CCNL2: variants seen among roughly 807,000 people sequenced by gnomAD.
CCNL2 encodes cyclin L2, also known as cyclin-L2.
In CCNL2, 28 loss-of-function variants were observed where a neutral mutation model predicts 59.1. That is an observed-to-expected ratio of 0.47 (90% CI 0.35 to 0.65). The LOEUF (loss-of-function observed/expected upper bound fraction) is 0.65. Ranked by LOEUF, CCNL2 falls within the 30% of genes least tolerant of loss-of-function variation. The pLI, the probability that CCNL2 is intolerant of heterozygous loss-of-function variation, is 0.00. For missense variants in CCNL2, 714 were observed against 717.4 expected, an observed-to-expected ratio of 1.00 and a Z score of 0.05; for synonymous variants, 342 against 288.6, an observed-to-expected ratio of 1.19 and a Z score of -1.88.
intron 5 of CCNL2, chr1:1,391,176 T>A: frequency 8.7e-7 from 1 of 1,153,498 alleles, no homozygotes; most frequent in Non-Finnish European, 1.1e-6. Context: ...CCCTCAACCT[T>A]GGCCTGCTCT....
Position 1,396,811 on chromosome 1 carries a change from C to T in CCNL2, c.474-1297G>A, listed in dbSNP as rs796195674. 8.6e-5 allele frequency among the ~76,000 whole-genome samples: 13 copies of T among 150,808 alleles called. No homozygotes were observed. The South Asian group carries it at 1.3e-3, about 15-fold the overall frequency. ...TCGCCCAGGCTGGAGTGCAGTGGCC[C>T]GATCTCAGCTCACTGCAAGCTCCAC... On this transcript the variant is annotated intron_variant, in intron 3 of 10. Transcript: ENST00000400809.
chr1:1,389,515 T>G (rs1224928909), intron 8 of CCNL2: 1 of 152,116 alleles, frequency 6.6e-6, no homozygotes, highest in Admixed American at 6.5e-5. Flanking sequence ...TCAGACAACC[T>G]GTCATACTCC....
chr1:1,390,384 G>A lies in CCNL2; in HGVS notation c.865-13C>T, dbSNP rs988287133. ...GTGTGAGATCAACCTGCAAAAGCCA[G>A]AAGGTGTCCGTTCAGAACCAGGTGT... On this transcript the variant is annotated splice_polypyrimidine_tract_variant and intron_variant, in intron 7 of 10. Coordinates refer to ENST00000400809, the MANE Select transcript of CCNL2 (RefSeq NM_030937.6). The A allele has an allele frequency of 6.2e-7, 1 of 1,612,170 alleles. No homozygotes were observed. The highest frequency in any genetic ancestry group is 1.7e-5 in the Admixed American group (1 of 59,974).
In CCNL2 at chr1:1,387,103, T is replaced by A; in HGVS notation, c.*128A>T. 1 of 675,228 alleles carries A rather than the reference T, an allele frequency of 1.5e-6. No homozygotes were observed. Among genetic ancestry groups the A allele is most frequent in the Non-Finnish European group, 2.5e-6 (1 of 405,418 alleles). The allele number at this position is 675,228 out of a possible 1,614,324, so 41.8% of individuals were successfully genotyped here. ...AGTCGACAGACATTTCCAAAAAGAATCCTGTTCTAGGACCACTTGCGCTGA... is the reference window on the plus strand; with the variant it reads ...AGTCGACAGACATTTCCAAAAAGAAACCTGTTCTAGGACCACTTGCGCTGA... On this transcript the variant is annotated 3_prime_UTR_variant, in exon 11 of 11. Transcript: ENST00000400809.
intron 8 of CCNL2, 47 bp from the exon 9 acceptor site, chr1:1,388,112 C>T (rs776571206): frequency 6.9e-7 from 1 of 1,459,214 alleles, no homozygotes; most frequent in Non-Finnish European, 9.6e-7. Context: ...AACACTCTCC[C>T]AATAAGAAAC....
chr1:1,389,091 G>A lies in CCNL2; in HGVS notation c.1007-1026C>T, dbSNP rs187592078. 3.4e-3 allele frequency: 542 copies of A among 159,878 alleles called. 5 individuals carry two copies. Among genetic ancestry groups the A allele is most frequent in the African/African-American group, 0.013 (510 of 39,650 alleles). The allele number at this position is 159,878 out of a possible 1,614,324, so 9.9% of individuals were successfully genotyped here. A position where few individuals can be genotyped will look rare whatever the true frequency, so the allele number is the denominator to read the frequency against. The stretch of plus-strand genomic sequence containing the variant: ...ACTCTGTCTCAAAAAAAGAAATGCA[G>A]GCCGGGTGCAGTGGCTCATGCCTGT... On this transcript the variant is annotated intron_variant, in intron 8 of 10. Coordinates refer to ENST00000400809, the MANE Select transcript of CCNL2 (RefSeq NM_030937.6).
intron 5 of CCNL2, chr1:1,391,477 G>C (rs868748050): frequency 2.3e-6 from 3 of 1,277,564 alleles, no homozygotes; most frequent in South Asian, 2.6e-5. Context: ...CAAGTTGGAC[G>C]CGTGGGAGCA....
chr1:1,393,339 T>TCAAC (rs1644847279), intron 5 of CCNL2, 57 bp downstream of exon 5: 1 of 1,494,460 alleles, frequency 6.7e-7, no homozygotes, highest in Non-Finnish European at 9.3e-7. Flanking sequence ...GTGCCTCAAG[T>TCAAC]CAACACATTC....
At chr1:1,395,135 C>A in intron 4 of CCNL2, 1 of 421,410 alleles carries the variant, frequency 2.4e-6, no homozygotes, top group Non-Finnish European at 4.2e-6. Flanking sequence ...CATTTATAAA[C>A]TCACCACTAT....
At chr1:1,392,191 C>G (rs1178527645) in intron 5 of CCNL2, 1 of 467,344 alleles carries the variant, frequency 2.1e-6, no homozygotes, top group Non-Finnish European at 2.8e-6. Flanking sequence ...ATTCAACAAT[C>G]AGTAACCTTT....
rs988985345 is a variant in CCNL2 at position 1,385,741 on chromosome 1, A to T, written c.*1490T>A. 1 of 152,264 alleles carries T rather than the reference A, an allele frequency of 6.6e-6. No individual in the cohort carries two copies. Among genetic ancestry groups the T allele is most frequent in the African/African-American group, 2.4e-5 (1 of 41,462 alleles). The allele number at this position is 152,264 out of a possible 1,614,324, so 9.4% of individuals were successfully genotyped here. On this transcript the variant is annotated 3_prime_UTR_variant, in exon 11 of 11. Coordinates refer to ENST00000400809, the MANE Select transcript of CCNL2 (RefSeq NM_030937.6). Reference sequence around the variant, plus strand: ...TTAAATGGTTCTTTATGTCATAATAATATTTTACAATTATTTAGTAAAAAA... The same window carrying T: ...TTAAATGGTTCTTTATGTCATAATATTATTTTACAATTATTTAGTAAAAAA...
At chr1:1,392,775 G>A in intron 5 of CCNL2, 1 of 1,611,988 alleles carries the variant, frequency 6.2e-7, no homozygotes, top group South Asian at 1.1e-5. Flanking sequence ...CAGAGGAGAA[G>A]TCTTAGTCAC....
intron 4 of CCNL2, among the ~76,000 whole-genome samples, chr1:1,393,942 T>C (rs1340363925): frequency 1.3e-5 from 2 of 151,900 alleles, no homozygotes; most frequent in South Asian, 2.1e-4. Flanking sequence ...GCCTGACCAA[T>C]ATGGAGAAAC....
chr1:1,390,321 G>A lies in CCNL2; in HGVS notation c.915C>T (p.Ile305=), dbSNP rs755043411. ...EGEVEKRKHA[I]EEAKAQARGL... ...CCCGGGCTTGGGCCTTTGCCTCTTC[G>A]ATAGCGTGCTTTCTTTTTTCCACTT... The change falls in exon 8 of 11, where the codon ATC becomes ATT. Residue 305 remains isoleucine (I), a synonymous_variant. Transcript: ENST00000400809. The A allele has an allele frequency of 1.5e-5, 25 of 1,613,810 alleles. 2 individuals carry two copies. The highest frequency in any genetic ancestry group is 1.2e-4 in the Admixed American group (7 of 59,976).
intron 8 of CCNL2, chr1:1,388,565 G>GTC (rs70949586): frequency 0.041 from 15,557 of 382,056 alleles, 172 homozygotes; most frequent in South Asian, 0.072. Context: ...GTGAGTGTGT[G>GTC]TCTCTCTCTC....
At chr1:1,393,120 G>T in intron 5 of CCNL2, 1 of 584,498 alleles carries the variant, frequency 1.7e-6, no homozygotes, top group Non-Finnish European at 3.0e-6. Flanking sequence ...CCTGCGCCAA[G>T]TCAACAGCTC....
Position 1,388,640 on chromosome 1 carries a change from G to A in CCNL2, c.1007-575C>T, listed in dbSNP as rs1232797614. The stretch of plus-strand genomic sequence containing the variant: ...ACACAAATTACCTGAGCGTGGTGGT[G>A]GGCGCCTGCAATCCCAGCTACTTGG... On this transcript the variant is annotated intron_variant, in intron 8 of 10. Coordinates refer to ENST00000400809, the MANE Select transcript of CCNL2 (RefSeq NM_030937.6). 4 of 414,894 alleles carry A rather than the reference G, an allele frequency of 9.6e-6. No individual in the cohort carries two copies. In the East Asian group the frequency reaches 2.1e-4, roughly 22 times the overall value. 25.7% of individuals were successfully genotyped at this position (414,894 alleles called of 1,614,324 possible). A position where few individuals can be genotyped will look rare whatever the true frequency, so the allele number is the denominator to read the frequency against.
rs1457114492 is a variant in CCNL2, at chr1:1,387,966, C to A, written c.1106G>T (p.Ser369Ile). 6.2e-7 allele frequency: 1 copy of A among 1,613,924 alleles called. No homozygotes were observed. The highest frequency in any genetic ancestry group is 8.5e-7 in the Non-Finnish European group (1 of 1,180,010). Residue 369 changes from serine to isoleucine, a missense_variant, in exon 9 of 11, where the codon AGC (serine) becomes ATC (isoleucine). Physicochemically the swap from Ser to Ile is moderately radical, Grantham distance 142 (BLOSUM62 -2). Transcript: ENST00000400809. ...LEGAKKAKAD[S>I]PVNGLPKGRE... ...CCTGGGGTCCTACCCGTTCACGGGG[C>A]TGTCCGCCTTGGCTTTCTTGGCGCC...
intron 5 of CCNL2, chr1:1,391,091 G>T: frequency 1.1e-6 from 1 of 910,696 alleles, no homozygotes; most frequent in Non-Finnish European, 1.4e-6. Context: ...GAAATTATTA[G>T]AAAAAAAAAA....
Sources: allele counts gnomAD v4.1 joint callset (sites outside exome capture counted in the v4.1 genomes callset), GRCh38; gene constraint gnomAD v4.1.1; transcripts MANE v1.5; gene names NCBI Gene and HGNC (gene_info 2026-07-23, HGNC 2026-07-21).